TTC29: variants seen among roughly 807,000 people sequenced by gnomAD.
The protein encoded by TTC29 is tetratricopeptide repeat domain 29.
In TTC29, 49 loss-of-function variants were observed where a neutral mutation model predicts 58.1. That is an observed-to-expected ratio of 0.84 (90% confidence interval 0.67 to 1.07). The LOEUF (loss-of-function observed/expected upper bound fraction) is 1.07, where lower values mean the gene tolerates loss of function less well. Among genes scored for constraint, TTC29 ranks in the 50% least tolerant of loss-of-function variants. The pLI is 0.00. For missense variants in TTC29, 582 were observed against 555.6 expected, an observed-to-expected ratio of 1.05 and a Z score of -0.48; for synonymous variants, 209 against 196.8, an observed-to-expected ratio of 1.06 and a Z score of -0.52.
intron 11 of TTC29, among the ~76,000 whole-genome samples, chr4:146,746,736 G>C (rs770380566): frequency 6.6e-6 from 1 of 152,040 alleles, no homozygotes; most frequent in Non-Finnish European, 1.5e-5. Flanking sequence ...TTTTTAGGTT[G>C]GTCTAGTTTC....
At chr4:146,814,308 G>A (rs1751234006) in intron 10 of TTC29, among the ~76,000 whole-genome samples, 6 of 151,974 alleles carry the variant, frequency 3.9e-5, no homozygotes, top group Admixed American at 3.9e-4. Context: ...GACCCAGGTG[G>A]GGCAGCTCAT....
chr4:146,915,525 C>CG (rs1734165787), intron 4 of TTC29, among the ~76,000 whole-genome samples: 1 of 151,748 alleles, frequency 6.6e-6, no homozygotes. Flanking sequence ...TAAACTCTAA[C>CG]GGGAAAAACA....
intron 11 of TTC29, among the ~76,000 whole-genome samples, chr4:146,730,281 G>T (rs964393077): frequency 6.6e-6 from 1 of 152,082 alleles, no homozygotes; most frequent in Non-Finnish European, 1.5e-5. Flanking sequence ...CAGCTGGAGG[G>T]CATTACCCTA....
intron 11 of TTC29, among the ~76,000 whole-genome samples, chr4:146,726,732 C>T (rs941195989): frequency 7.9e-5 from 12 of 152,106 alleles, no homozygotes; most frequent in African/African-American, 2.7e-4. Flanking sequence ...AAGTTACTCA[C>T]ATAAGGGTTT....
Position 146,731,344 on chromosome 4 carries a change from C to T in TTC29, c.1331-23793G>A, listed in dbSNP as rs748575339. On this transcript the variant is annotated intron_variant, in intron 11 of 12. Transcript: ENST00000325106. ...TTGGCTGGGAGAGAGGGAGAGAGAA[C>T]GAACCAGGGAAATACAGTGATTGGA... 8.6e-5 allele frequency among the ~76,000 whole-genome samples: 13 copies of T among 151,768 alleles called. No homozygotes were observed. The East Asian group carries it at 1.5e-3, about 18-fold the overall frequency.
chr4:146,796,114 T>G (rs1375269748), intron 11 of TTC29, among the ~76,000 whole-genome samples: 1 of 151,912 alleles, frequency 6.6e-6, no homozygotes, highest in Non-Finnish European at 1.5e-5. Context: ...TACATTTTTC[T>G]TACAAGTGAT....
intron 4 of TTC29, among the ~76,000 whole-genome samples, chr4:146,937,232 C>T (rs1735908363): frequency 2.0e-5 from 3 of 152,092 alleles, no homozygotes; most frequent in African/African-American, 7.2e-5. Context: ...GTTTCTTTTT[C>T]TTTAATCACC....
chr4:146,912,145 A>C (rs561620605), intron 4 of TTC29, among the ~76,000 whole-genome samples: 1 of 152,260 alleles, frequency 6.6e-6, no homozygotes, highest in South Asian at 2.1e-4. Flanking sequence ...CCTTTTTAAG[A>C]AAGTTTATGA....
rs775413622 is a variant in TTC29, at chr4:146,942,589, A to T, written c.-7+2442T>A. On this transcript the variant is annotated intron_variant, in intron 2 of 12. Coordinates refer to ENST00000325106, the MANE Select transcript of TTC29 (RefSeq NM_031956.4). ...CGGGCCTCCCAAGAGCTTACTTCAG[A>T]GGAGCTGTGAAGACTTTTCCACAGA... 16 of 1,532,776 alleles carry T rather than the reference A, an allele frequency of 1.0e-5. No homozygotes were observed. In the African/African-American group the frequency reaches 2.2e-4, roughly 21 times the overall value. 94.9% of individuals were successfully genotyped at this position (1,532,776 alleles called of 1,614,324 possible).
chr4:146,801,761 G>A (rs1056790758), intron 11 of TTC29, among the ~76,000 whole-genome samples: 7 of 152,006 alleles, frequency 4.6e-5, no homozygotes, highest in African/African-American at 9.6e-5. Flanking sequence ...TAGATCATGC[G>A]ATCAGGAGAT....
chr4:146,935,062 G>A (rs570632461), intron 4 of TTC29, among the ~76,000 whole-genome samples: 11 of 152,128 alleles, frequency 7.2e-5, no homozygotes, highest in African/African-American at 2.4e-4. Context: ...CAGTGAGATC[G>A]ATCCAATGAA....
At chr4:146,836,730 A>G (rs1300534744) in intron 8 of TTC29, among the ~76,000 whole-genome samples, 1 of 152,188 alleles carries the variant, frequency 6.6e-6, no homozygotes, top group East Asian at 1.9e-4. Context: ...TGTTGCCAAC[A>G]TGCATATGGA....
intron 11 of TTC29, among the ~76,000 whole-genome samples, chr4:146,798,838 G>T (rs1009978038): frequency 1.6e-5 from 2 of 121,576 alleles, no homozygotes; most frequent in Non-Finnish European, 3.2e-5. Flanking sequence ...AATGAGCCGA[G>T]ATTGCACCGC....
chr4:146,739,220 T>C (rs915772131), intron 11 of TTC29, among the ~76,000 whole-genome samples: 1 of 152,208 alleles, frequency 6.6e-6, no homozygotes, highest in African/African-American at 2.4e-5. Flanking sequence ...CGTGTTTTGG[T>C]ATTCAACAAA....
intron 4 of TTC29, among the ~76,000 whole-genome samples, chr4:146,922,937 A>T (rs1734690469): frequency 6.6e-6 from 1 of 151,864 alleles, no homozygotes; most frequent in Non-Finnish European, 1.5e-5. Context: ...TACAAGACCT[A>T]CCTACCCCTT....
At chr4:146,739,256 A>G (rs1247725994) in intron 11 of TTC29, among the ~76,000 whole-genome samples, 2 of 152,192 alleles carry the variant, frequency 1.3e-5, no homozygotes, top group African/African-American at 4.8e-5. Context: ...TGAATGCTAT[A>G]GGAGATGATT....
At chr4:146,804,551 A>T (rs1157470287) in intron 10 of TTC29, among the ~76,000 whole-genome samples, 1 of 151,970 alleles carries the variant, frequency 6.6e-6, no homozygotes, top group Non-Finnish European at 1.5e-5. Context: ...TGGTGGGGGG[A>T]GGGGGGCCCA....
intron 11 of TTC29, among the ~76,000 whole-genome samples, chr4:146,764,627 A>G (rs765202975): frequency 6.6e-6 from 1 of 152,122 alleles, no homozygotes; most frequent in Non-Finnish European, 1.5e-5. Flanking sequence ...TTCCTATTTT[A>G]AAAAAATCAT....
chr4:146,822,340 G>A (rs1047172319), intron 9 of TTC29, among the ~76,000 whole-genome samples: 1 of 152,102 alleles, frequency 6.6e-6, no homozygotes, highest in Non-Finnish European at 1.5e-5. Flanking sequence ...TGTGGTGTTT[G>A]GTTTTCTGTT....
Sources: allele counts gnomAD v4.1 joint callset (sites outside exome capture counted in the v4.1 genomes callset), GRCh38; gene constraint gnomAD v4.1.1; transcripts MANE v1.5; gene names NCBI Gene and HGNC (gene_info 2026-07-23, HGNC 2026-07-21).